MYO5B: variants seen among roughly 807,000 people sequenced by gnomAD.
MYO5B encodes myosin VB.
A neutral mutation model predicts 229.3 loss-of-function variants in MYO5B; 143 were observed. The observed-to-expected ratio is 0.62, with a 90% CI of 0.54 to 0.72. MYO5B has a LOEUF of 0.72. Among genes scored for constraint, MYO5B ranks in the 30% least tolerant of loss-of-function variants. MYO5B has a pLI of 0.00. For synonymous variants in MYO5B, 918 were observed against 885.2 expected, an observed-to-expected ratio of 1.04 and a Z score of -0.66; for missense variants, 2,321 against 2,331.0, an observed-to-expected ratio of 1.00 and a Z score of 0.09.
At chr18:50,105,241 AAATAAAT>A (rs869187850) in intron 1 of MYO5B, among the ~76,000 whole-genome samples, 6 of 146,336 alleles carry the variant, frequency 4.1e-5, no homozygotes, top group Non-Finnish European at 6.0e-5. Flanking sequence ...ATAAATAAAT[AAATAAAT>A]AAAAAATAGA....
intron 6 of MYO5B, among the ~76,000 whole-genome samples, chr18:49,991,277 C>G (rs1390435897): frequency 6.6e-6 from 1 of 152,212 alleles, no homozygotes; most frequent in African/African-American, 2.4e-5. Context: ...TTGCTATCAT[C>G]AGCATGGAGA....
chr18:49,881,594 T>A (rs1217641), intron 22 of MYO5B, among the ~76,000 whole-genome samples: 91,386 of 151,778 alleles, frequency 0.6, 27,535 homozygotes, highest in Middle Eastern at 0.67. Flanking sequence ...TGAGGTCAAG[T>A]GATCGAGACC....
chr18:50,125,884 T>C (rs551327628), intron 1 of MYO5B, among the ~76,000 whole-genome samples: 45 of 152,292 alleles, frequency 3.0e-4, no homozygotes, highest in African/African-American at 1.0e-3. Flanking sequence ...GATGCTATGC[T>C]AAGAGAAATA....
chr18:49,913,968 AC>A (rs56165357), intron 17 of MYO5B, among the ~76,000 whole-genome samples: 53,528 of 151,532 alleles, frequency 0.35, 11,585 homozygotes, highest in Middle Eastern at 0.55. Flanking sequence ...TCCCACTCTA[AC>A]CCCTGCTTCC....
chr18:50,174,865 G>T (rs2032973316), intron 1 of MYO5B, among the ~76,000 whole-genome samples: 1 of 152,188 alleles, frequency 6.6e-6, no homozygotes, highest in African/African-American at 2.4e-5. Flanking sequence ...ACTGCAGAAG[G>T]TGTCTGGCCT....
intron 14 of MYO5B, among the ~76,000 whole-genome samples, chr18:49,945,597 G>C (rs975562492): frequency 2.0e-4 from 30 of 152,274 alleles, no homozygotes; most frequent in Non-Finnish European, 1.6e-4. Context: ...CCAACAGCCA[G>C]AGTTTTCTCT....
chr18:50,011,765 C>T (rs766825221), intron 4 of MYO5B, among the ~76,000 whole-genome samples: 14 of 152,030 alleles, frequency 9.2e-5, no homozygotes, highest in Non-Finnish European at 1.9e-4. Context: ...ATTCTATGCC[C>T]TACTCAATCC....
In MYO5B at chr18:50,171,708, G is replaced by C. The variant is rs1268813040; in HGVS notation, c.27+23059C>G. On this transcript the variant is annotated intron_variant, in intron 1 of 39. Coordinates refer to ENST00000285039, the MANE Select transcript of MYO5B (RefSeq NM_001080467.3). ...GTGTTGTTTCAGCCCAAGTCACATG[G>C]CTGCATAGAGGAGGGGTTTTGTCAA... Among the ~76,000 whole-genome samples, 4 of 128,194 alleles carry C rather than the reference G, an allele frequency of 3.1e-5. 1 individual carries two copies. Among genetic ancestry groups the C allele is most frequent in the African/African-American group, 1.2e-4 (4 of 33,906 alleles). The allele number at this position is 128,194 out of a possible 152,430, so 84.1% of individuals were successfully genotyped here. A position where few individuals can be genotyped will look rare whatever the true frequency, so the allele number is the denominator to read the frequency against.
chr18:49,905,862 G>A (rs1011539074), intron 19 of MYO5B, among the ~76,000 whole-genome samples: 3 of 152,102 alleles, frequency 2.0e-5, no homozygotes, highest in Non-Finnish European at 4.4e-5. Flanking sequence ...GCTCGGGGTC[G>A]AGCTGGGGGC....
intron 1 of MYO5B, among the ~76,000 whole-genome samples, chr18:50,118,624 TTC>T (rs2032006290): frequency 2.7e-5 from 3 of 110,572 alleles, no homozygotes; most frequent in Admixed American, 2.5e-4. Flanking sequence ...ATGTTGGCAT[TTC>T]TTTTTTTTTT....
intron 3 of MYO5B, among the ~76,000 whole-genome samples, chr18:50,037,247 A>G (rs924527926): frequency 1.0e-3 from 16 of 15,942 alleles, no homozygotes; most frequent in African/African-American, 1.7e-3. Context: ...TCACTCACAA[A>G]TGCTAAAAAA....
intron 1 of MYO5B, among the ~76,000 whole-genome samples, chr18:50,183,155 C>T (rs1410777935): frequency 1.3e-5 from 2 of 151,730 alleles, no homozygotes; most frequent in East Asian, 1.9e-4. Flanking sequence ...TGATGATGCA[C>T]GGTAATAAAA....
chr18:50,019,847 C>G (rs967861064), intron 4 of MYO5B, among the ~76,000 whole-genome samples: 1 of 152,178 alleles, frequency 6.6e-6, no homozygotes, highest in Non-Finnish European at 1.5e-5. Flanking sequence ...ATCTAAGGAT[C>G]CTTCCAGCTG....
At chr18:49,866,599 T>G (rs988067188) in intron 27 of MYO5B, among the ~76,000 whole-genome samples, 1 of 152,158 alleles carries the variant, frequency 6.6e-6, no homozygotes, top group African/African-American at 2.4e-5. Flanking sequence ...ACAGACGAAT[T>G]TGTGTGAAAG....
At chr18:50,115,043 C>T (rs1479179262) in intron 1 of MYO5B, among the ~76,000 whole-genome samples, 1 of 152,218 alleles carries the variant, frequency 6.6e-6, no homozygotes. Context: ...TCTGATTCCA[C>T]AATTTGATGG....
chr18:49,986,246 T>C (rs1173175290), intron 7 of MYO5B, among the ~76,000 whole-genome samples: 1 of 152,214 alleles, frequency 6.6e-6, no homozygotes, highest in African/African-American at 2.4e-5. Context: ...CAGTGGTCTC[T>C]GCCTACCTCT....
intron 1 of MYO5B, among the ~76,000 whole-genome samples, chr18:50,174,138 C>A (rs1162273054): frequency 6.6e-6 from 1 of 152,162 alleles, no homozygotes; most frequent in African/African-American, 2.4e-5. Context: ...AGCCCTCAGA[C>A]TCTGGTACTT....
Position 50,170,850 on chromosome 18 carries a change from G to T in MYO5B, c.27+23917C>A, listed in dbSNP as rs1352023974. ...GACTAGAACAAGAGATCAAGTAAGA[G>T]TAAACAGGAAAAGAGACATTTTACC... On this transcript the variant is annotated intron_variant, in intron 1 of 39. Transcript: ENST00000285039. 1.6e-5 allele frequency among the ~76,000 whole-genome samples: 2 copies of T among 128,340 alleles called. 1 individual carries two copies. The highest frequency in any genetic ancestry group is 5.9e-5 in the African/African-American group (2 of 33,988). The allele number at this position is 128,340 out of a possible 152,430, so 84.2% of individuals were successfully genotyped here.
At chr18:49,871,778 T>C (rs1347090172) in intron 27 of MYO5B, 1 of 310,542 alleles carries the variant, frequency 3.2e-6, no homozygotes, top group Non-Finnish European at 6.3e-6. Context: ...CCCTTTTCTG[T>C]GCATTCCTCC....
Sources: gnomAD v4.1 joint callset for allele counts (sites outside exome capture counted in the v4.1 genomes callset) on GRCh38, gnomAD v4.1.1 for gene constraint, MANE v1.5 for transcripts, NCBI Gene and HGNC (gene_info 2026-07-23, HGNC 2026-07-21) for gene names.